ECSIT: variants seen among roughly 807,000 people sequenced by gnomAD.
ECSIT encodes ECSIT signaling integrator.
In ECSIT, 29 loss-of-function variants were observed where a neutral mutation model predicts 36.8. That is an observed-to-expected ratio of 0.79 (90% CI 0.59 to 1.08). The LOEUF (loss-of-function observed/expected upper bound fraction) is 1.08, where lower values mean the gene tolerates loss of function less well. Ranked by LOEUF, ECSIT falls within the 50% of genes least tolerant of loss-of-function variation. The pLI is 0.00. For missense variants in ECSIT, 542 were observed against 581.0 expected (o/e 0.93, Z 0.69); for synonymous variants, 231 against 234.8 (o/e 0.98, Z 0.15).
chr19:11,523,398 G>A (rs1006062035), intron 1 of ECSIT: 49 of 526,686 alleles, frequency 9.3e-5, no homozygotes, highest in African/African-American at 8.6e-4. Flanking sequence ...GGAGGCTTGG[G>A]TATGTTCAAG....
intron 1 of ECSIT, chr19:11,522,203 CA>C: frequency 3.8e-6 from 2 of 532,416 alleles, no homozygotes; most frequent in Non-Finnish European, 6.8e-6. Flanking sequence ...AGAACTTCGG[CA>C]TCTGGCTGCG....
Position 11,513,920 on chromosome 19 carries a change from A to G in ECSIT, c.398T>C (p.Leu133Pro), listed in dbSNP as rs374522213. ...ERDLAVYNQLLNIFPKEVFRP... is the reference protein window; with the variant it reads ...ERDLAVYNQLPNIFPKEVFRP... Reference sequence around the variant, plus strand: ...GAAGACCTCCTTGGGGAAGATGTTGAGCAGCTGGTTGTACACAGCCAGGTC... The same window carrying G: ...GAAGACCTCCTTGGGGAAGATGTTGGGCAGCTGGTTGTACACAGCCAGGTC... The change falls in exon 3 of 8, where the codon CTC becomes CCC. Residue 133 changes from leucine to proline, a missense_variant. Leu to Pro is a moderately conservative substitution (Grantham distance 98). Coordinates refer to ENST00000270517, the MANE Select transcript of ECSIT (RefSeq NM_016581.5). The G allele has an allele frequency of 3.1e-6, 5 of 1,614,168 alleles. No homozygotes were observed. The highest frequency in any genetic ancestry group is 4.2e-6 in the Non-Finnish European group (5 of 1,180,030).
At chr19:11,525,061 T>C (rs1211568500) in intron 1 of ECSIT, among the ~76,000 whole-genome samples, 1 of 152,102 alleles carries the variant, frequency 6.6e-6, no homozygotes, top group Admixed American at 6.6e-5. Flanking sequence ...CACTTGGACC[T>C]GGGAGACAGA....
chr19:11,506,168 C>T lies in ECSIT; in HGVS notation c.*16G>A. The T allele has an allele frequency of 1.2e-6, 2 of 1,602,044 alleles. No homozygotes were observed. The highest frequency in any genetic ancestry group is 1.7e-6 in the Non-Finnish European group (2 of 1,179,366). On this transcript the variant is annotated 3_prime_UTR_variant, in exon 8 of 8. Transcript: ENST00000270517. ...GCCTCCTCGGGCCACAGCCCGTGCC[C>T]TCGCGCCGGCTCAGACTAGCTCTGG...
rs1324055032 is a variant in ECSIT at position 11,506,068 on chromosome 19, G to T, written c.*116C>A. On this transcript the variant is annotated 3_prime_UTR_variant, in exon 8 of 8. Transcript: ENST00000270517. ...GAGGGGATGCCATACTGCTAGAGAT[G>T]AGGGAAGAGAGCCCCAAGCAGGAAA... is the stretch of plus-strand genomic sequence containing the variant. 3 of 1,483,138 alleles carry T rather than the reference G, an allele frequency of 2.0e-6. No homozygotes were observed. The highest frequency in any genetic ancestry group is 2.7e-6 in the Non-Finnish European group (3 of 1,104,556). 91.9% of individuals were successfully genotyped at this position (1,483,138 alleles called of 1,614,324 possible).
chr19:11,526,156 G>A (rs1972212120), intron 1 of ECSIT, among the ~76,000 whole-genome samples: 1 of 151,982 alleles, frequency 6.6e-6, no homozygotes, highest in Non-Finnish European at 1.5e-5. Context: ...GTACAGACAG[G>A]GTTTCACCAT....
chr19:11,518,997 G>T, intron 2 of ECSIT, 78 bp downstream of exon 2: 2 of 1,256,324 alleles, frequency 1.6e-6, no homozygotes, highest in Non-Finnish European at 2.3e-6. Flanking sequence ...TGGCTTCACA[G>T]AGTGGATTCT....
intron 1 of ECSIT, chr19:11,522,559 A>G: frequency 1.5e-6 from 1 of 670,560 alleles, no homozygotes; most frequent in South Asian, 1.6e-5. Context: ...GTAAAAAAAA[A>G]AAAAATTAGC....
chr19:11,513,823 C>T lies in ECSIT; in HGVS notation c.495G>A (p.Leu165=), dbSNP rs1487378095. 3.7e-6 allele frequency: 6 copies of T among 1,614,064 alleles called. No homozygotes were observed. The highest frequency in any genetic ancestry group is 5.1e-6 in the Non-Finnish European group (6 of 1,180,042). ...PRQQECGIAV[L]EQMENHGVMP... ...CCTCACCGTGGTTCTCCATCTGCTCCAGGACAGCAATCCCACACTCCTGCT... is the reference window on the plus strand; with the variant it reads ...CCTCACCGTGGTTCTCCATCTGCTCTAGGACAGCAATCCCACACTCCTGCT... The change falls in exon 3 of 8, where the codon CTG becomes CTA. Residue 165 remains leucine, a synonymous_variant. Coordinates refer to ENST00000270517, the MANE Select transcript of ECSIT (RefSeq NM_016581.5).
intron 7 of ECSIT, among the ~76,000 whole-genome samples, chr19:11,507,030 G>T (rs916352612): frequency 6.6e-6 from 1 of 152,178 alleles, no homozygotes; most frequent in African/African-American, 2.4e-5. Flanking sequence ...TTGCTGACTC[G>T]AGGGACTAGG....
chr19:11,516,486 T>C (rs1972000202), intron 2 of ECSIT, among the ~76,000 whole-genome samples: 3 of 151,486 alleles, frequency 2.0e-5, no homozygotes, highest in Admixed American at 2.0e-4. Context: ...TCCATCTCTC[T>C]ATGAAAAAAT....
intron 1 of ECSIT, among the ~76,000 whole-genome samples, chr19:11,525,980 T>C (rs890371961): frequency 3.3e-5 from 5 of 151,360 alleles, no homozygotes; most frequent in African/African-American, 4.9e-5. Context: ...TTTTTTTTTT[T>C]CCCAGGCGGA....
At chr19:11,523,226 C>T (rs1972144282) in intron 1 of ECSIT, among the ~76,000 whole-genome samples, 1 of 152,066 alleles carries the variant, frequency 6.6e-6, no homozygotes, top group South Asian at 2.1e-4. Flanking sequence ...TATGATGATC[C>T]ACTTCCACCT....
At chr19:11,521,426 T>C (rs1319377365) in intron 1 of ECSIT, among the ~76,000 whole-genome samples, 1 of 151,946 alleles carries the variant, frequency 6.6e-6, no homozygotes, top group Non-Finnish European at 1.5e-5. Flanking sequence ...CAACAAAGGC[T>C]TGAACAGCAT....
At chr19:11,526,213 T>C (rs1972213241) in intron 1 of ECSIT, among the ~76,000 whole-genome samples, 5 of 152,134 alleles carry the variant, frequency 3.3e-5, no homozygotes, top group Admixed American at 1.3e-4. Context: ...TCCACCTGCC[T>C]TGGCCTCCCA....
chr19:11,528,606 T>C (rs181138377), intron 1 of ECSIT: 3 of 152,378 alleles, frequency 2.0e-5, no homozygotes, highest in Admixed American at 2.0e-4. Context: ...TTTATCTATC[T>C]TCCTCATTGC....
Position 11,507,457 on chromosome 19 carries a change from C to T in ECSIT, c.1051G>A (p.Val351Met), listed in dbSNP as rs199827839. ...CCACCGCACCTGGCCCAGTTTTTACCTTCATTGATGTCAAACTCGTAGTTG... is the reference window on the plus strand; with the variant it reads ...CCACCGCACCTGGCCCAGTTTTTACTTTCATTGATGTCAAACTCGTAGTTG... Reference protein sequence around the residue: ...WDNYEFDINEVEEGPVFAMCM... With the variant: ...WDNYEFDINEMEEGPVFAMCM... Residue 351 changes from valine (V) to methionine (M), a missense_variant and splice_region_variant, in exon 7 of 8, where the codon GTG becomes ATG. Coordinates refer to ENST00000270517, the MANE Select transcript of ECSIT (RefSeq NM_016581.5). The T allele has an allele frequency of 6.2e-7, 1 of 1,613,664 alleles. No homozygotes were observed. The highest frequency in any genetic ancestry group is 8.5e-7 in the Non-Finnish European group (1 of 1,179,740).
intron 1 of ECSIT, among the ~76,000 whole-genome samples, chr19:11,527,868 C>T (rs1261640750): frequency 1.3e-5 from 2 of 152,128 alleles, no homozygotes; most frequent in Non-Finnish European, 2.9e-5. Flanking sequence ...GTGGTGTGCA[C>T]CTGTAGTTCC....
intron 1 of ECSIT, among the ~76,000 whole-genome samples, chr19:11,527,664 C>A (rs1056857875): frequency 6.6e-6 from 1 of 152,078 alleles, no homozygotes; most frequent in Non-Finnish European, 1.5e-5. Flanking sequence ...TGCACTCTAG[C>A]CTGGGCAACA....
Sources: allele counts gnomAD v4.1 joint callset (sites outside exome capture counted in the v4.1 genomes callset), GRCh38; gene constraint gnomAD v4.1.1; transcripts MANE v1.5; gene names NCBI Gene and HGNC (gene_info 2026-07-23, HGNC 2026-07-21).